The following DMD variants were observed in gnomAD, a reference collection of about 807,000 sequenced individuals.
DMD encodes the protein mutant dystrophin.
In DMD, 63 loss-of-function variants were observed where a neutral mutation model predicts 330.1. That is an observed-to-expected ratio of 0.19 (90% CI 0.16 to 0.24). DMD has a LOEUF of 0.24. DMD is among the 10% of genes least tolerant of loss of function. The pLI, the probability that DMD is intolerant of heterozygous loss-of-function variation, is 1.00. For missense variants in DMD, 3,344 were observed against 2,684.1 expected (o/e 1.25, Z -5.43); for synonymous variants, 1,223 against 959.8 (o/e 1.27, Z -5.07).
At chrX:31,542,398 A>T (rs1391974778) in intron 55 of DMD, among the ~76,000 whole-genome samples, 1 of 112,145 alleles carries the variant, frequency 8.9e-6, no homozygotes. Flanking sequence ...CCTTTGAGTC[A>T]TATGCACTCA....
intron 44 of DMD, among the ~76,000 whole-genome samples, chrX:32,074,657 G>A (rs1318456880): frequency 1.8e-5 from 2 of 111,961 alleles, no homozygotes; most frequent in Non-Finnish European, 3.8e-5. Context: ...CTACAACAGC[G>A]TAGTTGAGTA....
chrX:33,036,582 T>C (rs1170148322), intron 1 of DMD, among the ~76,000 whole-genome samples: 2 of 111,411 alleles, frequency 1.8e-5, no homozygotes, highest in East Asian at 5.6e-4. Context: ...AAAATTATAA[T>C]GGATTTAGGT....
intron 9 of DMD, among the ~76,000 whole-genome samples, chrX:32,678,528 G>A (rs1046027306): frequency 5.4e-5 from 6 of 110,825 alleles, no homozygotes; most frequent in African/African-American, 2.0e-4. Context: ...GTGTTGTGTT[G>A]TGTATGTGTG....
intron 1 of DMD, among the ~76,000 whole-genome samples, chrX:33,300,583 C>T (rs771895402): frequency 9.0e-6 from 1 of 111,501 alleles, no homozygotes; most frequent in East Asian, 2.8e-4. Context: ...TAAGGTAGTG[C>T]CTTTGGGAAT....
chrX:31,793,773 A>C (rs1186422764), intron 50 of DMD, among the ~76,000 whole-genome samples: 2 of 112,312 alleles, frequency 1.8e-5, no homozygotes, highest in Non-Finnish European at 3.8e-5. Flanking sequence ...AAAATATCCT[A>C]AGCCGAACCA....
chrX:32,566,564 G>A (rs73459754), intron 15 of DMD, among the ~76,000 whole-genome samples: 3,164 of 111,732 alleles, frequency 0.028, 87 homozygotes, highest in African/African-American at 0.097. Context: ...TAAGTCGCTG[G>A]GCATGACATA....
chrX:31,145,999 C>T (rs1432376456), intron 76 of DMD, among the ~76,000 whole-genome samples: 1 of 112,373 alleles, frequency 8.9e-6, no homozygotes, highest in East Asian at 2.8e-4. Flanking sequence ...TCTCACAGTC[C>T]TCTCCTCCCA....
intron 1 of DMD, among the ~76,000 whole-genome samples, chrX:33,025,624 C>T (rs143695403): frequency 0.066 from 7,392 of 111,995 alleles, 598 homozygotes; most frequent in African/African-American, 0.22. Flanking sequence ...ACCATCACAG[C>T]TCACTGTAAC....
intron 7 of DMD, among the ~76,000 whole-genome samples, chrX:32,768,091 C>G (rs1007136044): frequency 1.8e-5 from 2 of 111,830 alleles, no homozygotes; most frequent in African/African-American, 6.5e-5. Flanking sequence ...TAAAGTAAAA[C>G]TAAGAAACGT....
At chrX:32,579,844 A>G (rs2053461844) in intron 13 of DMD, among the ~76,000 whole-genome samples, 1 of 112,777 alleles carries the variant, frequency 8.9e-6, no homozygotes, top group African/African-American at 3.2e-5. Context: ...ATTGTGCTGA[A>G]AGTGTAGTGA....
chrX:31,155,053 A>G (rs963005758), intron 74 of DMD, among the ~76,000 whole-genome samples: 2 of 112,266 alleles, frequency 1.8e-5, no homozygotes, highest in Admixed American at 9.4e-5. Context: ...CACTCAAAAA[A>G]ACTTCCCAAC....
At chrX:32,686,578 A>AAAAAAAAAAG (rs1556919375) in intron 9 of DMD, among the ~76,000 whole-genome samples, 2 of 105,630 alleles carry the variant, frequency 1.9e-5, no homozygotes, top group Non-Finnish European at 3.9e-5. Flanking sequence ...AAAAAAAAAA[A>AAAAAAAAAAG]AAAAGAAAAG....
chrX:31,685,861 G>T (rs113289883), intron 52 of DMD, among the ~76,000 whole-genome samples: 139 of 112,316 alleles, frequency 1.2e-3, no homozygotes, highest in African/African-American at 4.1e-3. Flanking sequence ...CAACTTTGAG[G>T]CATGTTTTTT....
intron 1 of DMD, among the ~76,000 whole-genome samples, chrX:33,088,291 C>T (rs1445945541): frequency 4.5e-5 from 5 of 111,421 alleles, no homozygotes; most frequent in African/African-American, 1.6e-4. Flanking sequence ...ATGATCCATC[C>T]GCCTCCGCCT....
At chrX:33,117,579 T>C (rs1463151818) in intron 1 of DMD, among the ~76,000 whole-genome samples, 1 of 111,341 alleles carries the variant, frequency 9.0e-6, no homozygotes, top group Non-Finnish European at 1.9e-5. Context: ...ATATATTTTA[T>C]CTCATTTGAC....
intron 55 of DMD, among the ~76,000 whole-genome samples, chrX:31,548,963 T>A (rs895202725): frequency 9.0e-6 from 1 of 110,955 alleles, no homozygotes; most frequent in Non-Finnish European, 1.9e-5. Context: ...CATGTATTAC[T>A]TTAAAAATAT....
At chrX:32,305,009 A>G (rs2148559854) in intron 42 of DMD, among the ~76,000 whole-genome samples, 1 of 111,738 alleles carries the variant, frequency 8.9e-6, no homozygotes, top group Admixed American at 9.5e-5. Flanking sequence ...CTCTTATTCC[A>G]ATATTATTAA....
At chrX:31,966,095 C>T (rs1336750986) in intron 45 of DMD, among the ~76,000 whole-genome samples, 1 of 111,050 alleles carries the variant, frequency 9.0e-6, no homozygotes, top group East Asian at 2.8e-4. Context: ...CCATTACAAA[C>T]GAAGACTACT....
rs1032119657 is a variant in DMD, at chrX:32,075,910, G to A, written c.6439-107396C>T. Among the ~76,000 whole-genome samples the A allele has an allele frequency of 6.5e-5, 7 of 107,266 alleles. No individual in the cohort carries two copies. In the South Asian group the frequency reaches 1.2e-3, roughly 19 times the overall value. 93.1% of individuals were successfully genotyped at this position (107,266 alleles called of 115,157 possible). ...CTAAAGATACAAAAATTAGCCAGGCGTGGTGGCAGACACTTATAATCCCAG... is the reference window on the plus strand; with the variant it reads ...CTAAAGATACAAAAATTAGCCAGGCATGGTGGCAGACACTTATAATCCCAG... On this transcript the variant is annotated intron_variant, in intron 44 of 78. Transcript: ENST00000357033.
Sources: gnomAD v4.1 joint callset for allele counts (sites outside exome capture counted in the v4.1 genomes callset) on GRCh38, gnomAD v4.1.1 for gene constraint, MANE v1.5 for transcripts, NCBI Gene and HGNC (gene_info 2026-07-23, HGNC 2026-07-21) for gene names.